The following ABCC2 variants were observed in gnomAD, a reference collection of about 807,000 sequenced individuals.
The protein encoded by ABCC2 is ATP binding cassette subfamily C member 2, also known as ATP-binding cassette sub-family C member 2.
ABCC2 carries 157 observed loss-of-function variants against 173.4 expected under a neutral mutation model. The observed-to-expected ratio is 0.91, with a 90% CI of 0.80 to 1.03. The LOEUF (loss-of-function observed/expected upper bound fraction) is 1.03. ABCC2 is among the 50% of genes least tolerant of loss of function. The pLI is 0.00. For synonymous variants in ABCC2, 657 were observed against 693.5 expected (o/e 0.95, Z 0.83); for missense variants, 1,822 against 1,852.3 (o/e 0.98, Z 0.30).
intron 30 of ABCC2, among the ~76,000 whole-genome samples, chr10:99,849,144 C>T (rs192792531): frequency 2.6e-5 from 4 of 152,270 alleles, no homozygotes; most frequent in Non-Finnish European, 4.4e-5. Context: ...GCAGGAGAAT[C>T]GCTTGAACCC....
At chr10:99,812,029 A>G (rs969059583) in intron 15 of ABCC2, among the ~76,000 whole-genome samples, 2 of 152,248 alleles carry the variant, frequency 1.3e-5, no homozygotes, top group Non-Finnish European at 2.9e-5. Context: ...TTCTGCACAT[A>G]GTGTGTCTCT....
intron 6 of ABCC2, 98 bp from the exon 7 acceptor site, chr10:99,796,999 C>G: frequency 1.8e-5 from 19 of 1,055,468 alleles, no homozygotes; most frequent in Middle Eastern, 2.5e-4. Flanking sequence ...TCTTCTGTCC[C>G]TCTATCCCAG....
chr10:99,819,518 T>G (rs1362294216), intron 19 of ABCC2, among the ~76,000 whole-genome samples: 1 of 152,194 alleles, frequency 6.6e-6, no homozygotes, highest in Non-Finnish European at 1.5e-5. Flanking sequence ...GGACACTCTT[T>G]AGAAGGGTAC....
At chr10:99,832,332 A>C (rs1230565352) in intron 23 of ABCC2, among the ~76,000 whole-genome samples, 1 of 152,238 alleles carries the variant, frequency 6.6e-6, no homozygotes. Flanking sequence ...CCCTTCAAGT[A>C]GCTCAGCATC....
At position 99,834,797 on chromosome 10, in the gene ABCC2, G is replaced by A. The variant is rs1013725303; in HGVS notation, c.3414+262G>A. On this transcript the variant is annotated intron_variant, in intron 24 of 31. Coordinates refer to ENST00000647814, the MANE Select transcript of ABCC2 (RefSeq NM_000392.5). ...CCTTCACTCCCTGGAAGCTTAGGTC[G>A]GACAGATTTACGTTTGGATCCAAGA... Among the ~76,000 whole-genome samples, 61 of 152,154 alleles carry A rather than the reference G, an allele frequency of 4.0e-4. 1 individual carries two copies. The highest frequency in any genetic ancestry group is 1.2e-3 in the African/African-American group (50 of 41,422).
intron 24 of ABCC2, among the ~76,000 whole-genome samples, chr10:99,834,881 T>C (rs1249245460): frequency 6.6e-6 from 1 of 152,208 alleles, no homozygotes; most frequent in Non-Finnish European, 1.5e-5. Context: ...CCCATGACGA[T>C]TAGGTCGGTT....
intron 29 of ABCC2, 50 bp downstream of exon 29, chr10:99,845,832 T>A: frequency 1.3e-6 from 2 of 1,559,132 alleles, no homozygotes; most frequent in Non-Finnish European, 1.7e-6. Context: ...CAGCTTGTTT[T>A]ACAGGAAACA....
chr10:99,796,718 C>CA (rs1019560641), intron 6 of ABCC2, among the ~76,000 whole-genome samples: 2 of 152,076 alleles, frequency 1.3e-5, no homozygotes, highest in African/African-American at 4.8e-5. Context: ...ACAACAACAA[C>CA]AAAAAACCAC....
chr10:99,844,228 A>G (rs1366663698), intron 27 of ABCC2, 94 bp from the exon 28 acceptor site: 1 of 1,496,848 alleles, frequency 6.7e-7, no homozygotes, highest in Non-Finnish European at 9.3e-7. Context: ...GGACACTGCT[A>G]CCCTTCTCCT....
At chr10:99,820,212 A>G (rs1247678482) in intron 19 of ABCC2, among the ~76,000 whole-genome samples, 2 of 151,948 alleles carry the variant, frequency 1.3e-5, no homozygotes, top group Non-Finnish European at 2.9e-5. Flanking sequence ...ACCAACATGG[A>G]GAAACCCCGT....
chr10:99,786,553 T>C (rs755599411), intron 2 of ABCC2, among the ~76,000 whole-genome samples: 9 of 152,256 alleles, frequency 5.9e-5, no homozygotes, highest in Non-Finnish European at 1.2e-4. Flanking sequence ...ATAATGTACA[T>C]ACCATACAGT....
At position 99,809,706 on chromosome 10, in the gene ABCC2, G is replaced by A. The variant is rs60862245; in HGVS notation, c.1816-428G>A. ...TCGGCTATCTGGCCTATGTGGAAGT[G>A]TGCAGGGTCCCCCTGATGCTATAGC... On this transcript the variant is annotated intron_variant, in intron 13 of 31. Transcript: ENST00000647814. Among the ~76,000 whole-genome samples the A allele has an allele frequency of 2.2e-3, 330 of 152,358 alleles. 2 individuals carry two copies. Among genetic ancestry groups the A allele is most frequent in the African/African-American group, 7.8e-3 (323 of 41,586 alleles).
rs1316759192 is a variant in ABCC2 at position 99,814,138 on chromosome 10, T to C, written c.2094+994T>C. On this transcript the variant is annotated intron_variant, in intron 16 of 31. Transcript: ENST00000647814. Reference sequence around the variant, plus strand: ...GTATATACACACATATGTGTGTATATATACACACATGTATGTATACACACG... The same window carrying C: ...GTATATACACACATATGTGTGTATACATACACACATGTATGTATACACACG... Among the ~76,000 whole-genome samples, 5 of 83,270 alleles carry C rather than the reference T, an allele frequency of 6.0e-5. 2 individuals are homozygous for C. In the South Asian group the frequency reaches 1.8e-3, roughly 30 times the overall value. 54.6% of individuals were successfully genotyped at this position (83,270 alleles called of 152,430 possible).
chr10:99,831,802 A>T lies in ABCC2; in HGVS notation c.3075A>T (p.Gly1025=). ...CATCTCAGAGGGACATGAGAGTTGG[A>T]GTCTACGGAGCTCTGGGATTAGCCC... ...YPASQRDMRV[G]VYGALGLAQG... The change falls in exon 22 of 32, where the codon GGA becomes GGT. Residue 1025 remains glycine, a synonymous_variant. Transcript: ENST00000647814. 4 of 1,614,174 alleles carry T rather than the reference A, an allele frequency of 2.5e-6. No homozygotes were observed. The highest frequency in any genetic ancestry group is 3.4e-6 in the Non-Finnish European group (4 of 1,180,034).
chr10:99,841,578 G>T (rs1242960335), intron 25 of ABCC2, among the ~76,000 whole-genome samples: 3 of 152,010 alleles, frequency 2.0e-5, no homozygotes, highest in Non-Finnish European at 4.4e-5. Context: ...AAAAAAAAAT[G>T]CAGATTCTTG....
At chr10:99,800,273 G>A (rs1473729729) in intron 8 of ABCC2, 113 bp from the exon 9 acceptor site, 2 of 1,130,558 alleles carry the variant, frequency 1.8e-6, no homozygotes, top group Admixed American at 3.4e-5. Context: ...GACAATTCTG[G>A]TCACTTTTGT....
At chr10:99,824,242 A>G (rs1389684506) in intron 19 of ABCC2, among the ~76,000 whole-genome samples, 6 of 151,686 alleles carry the variant, frequency 4.0e-5, no homozygotes, top group Non-Finnish European at 8.8e-5. Context: ...TCTCCCAGCA[A>G]TTTTTGAAAA....
chr10:99,803,165 C>T (rs1050955567), intron 9 of ABCC2, among the ~76,000 whole-genome samples: 6 of 152,060 alleles, frequency 3.9e-5, no homozygotes, highest in African/African-American at 4.8e-5. Context: ...GATGGGGTTT[C>T]GCCATATTGG....
chr10:99,830,198 G>T, intron 19 of ABCC2, 109 bp from the exon 20 acceptor site: 1 of 1,310,362 alleles, frequency 7.6e-7, no homozygotes, highest in Non-Finnish European at 1.1e-6. Context: ...TGTACATCTG[G>T]GATCCCTTGC....
Sources: allele counts gnomAD v4.1 joint callset (sites outside exome capture counted in the v4.1 genomes callset), GRCh38; gene constraint gnomAD v4.1.1; transcripts MANE v1.5; gene names NCBI Gene and HGNC (gene_info 2026-07-23, HGNC 2026-07-21).